AFF3: variants seen among roughly 807,000 people sequenced by gnomAD.
The protein encoded by AFF3 is AF4/FMR2 family member 3.
Under a neutral mutation model 129.7 loss-of-function variants are expected in AFF3, and 32 were observed. That is an observed-to-expected ratio of 0.25 (90% CI 0.19 to 0.33). The LOEUF (loss-of-function observed/expected upper bound fraction) is 0.33, where lower values mean the gene tolerates loss of function less well. AFF3 is among the 10% of genes least tolerant of loss of function. The pLI is 1.00. For synonymous variants in AFF3, 644 were observed against 635.4 expected (o/e 1.01, Z -0.20); for missense variants, 1,373 against 1,592.0 (o/e 0.86, Z 2.34).
intron 11 of AFF3, among the ~76,000 whole-genome samples, chr2:99,678,562 T>C (rs1674220243): frequency 6.6e-6 from 1 of 152,246 alleles, no homozygotes; most frequent in Admixed American, 6.5e-5. Flanking sequence ...TTTAGTCCTT[T>C]AAAGTCATTT....
At chr2:99,779,547 T>G (rs1684223532) in intron 8 of AFF3, among the ~76,000 whole-genome samples, 1 of 152,154 alleles carries the variant, frequency 6.6e-6, no homozygotes, top group Non-Finnish European at 1.5e-5. Flanking sequence ...TTTTGTGTAT[T>G]TAGAGGGTAC....
chr2:100,054,243 A>T (rs1484395870), intron 4 of AFF3, among the ~76,000 whole-genome samples: 1 of 152,184 alleles, frequency 6.6e-6, no homozygotes. Flanking sequence ...CATCCACAGG[A>T]TGAGGAAGTT....
Position 99,584,237 on chromosome 2 carries a change from G to C in AFF3, c.2592-1238C>G, listed in dbSNP as rs143962528. Among the ~76,000 whole-genome samples, 31 of 151,856 alleles carry C rather than the reference G, an allele frequency of 2.0e-4. No homozygotes were observed. In the East Asian group the frequency reaches 6.1e-3, roughly 30 times the overall value. ...AATCCCAGCACTTTGGGAGGCCAAG[G>C]TGGGCGTATCACTTGAGGTCGGGAG... On this transcript the variant is annotated intron_variant, in intron 16 of 24. Transcript: ENST00000672756.
intron 13 of AFF3, among the ~76,000 whole-genome samples, chr2:99,641,808 T>C (rs1163593067): frequency 1.3e-5 from 2 of 152,088 alleles, no homozygotes; most frequent in Non-Finnish European, 2.9e-5. Context: ...TGAAGTAAGG[T>C]ATGTGAGATG....
intron 11 of AFF3, among the ~76,000 whole-genome samples, chr2:99,709,801 C>G (rs532035029): frequency 6.5e-4 from 99 of 152,326 alleles, no homozygotes; most frequent in African/African-American, 2.2e-3. Flanking sequence ...TTTCTCATCC[C>G]TACCCCCAAA....
At chr2:99,921,892 T>C (rs1298718441) in intron 7 of AFF3, among the ~76,000 whole-genome samples, 2 of 152,120 alleles carry the variant, frequency 1.3e-5, no homozygotes, top group South Asian at 2.1e-4. Context: ...CTATAAAAGA[T>C]AGGCAAAAGA....
At chr2:99,624,855 CG>C in intron 13 of AFF3, among the ~76,000 whole-genome samples, 2 of 152,206 alleles carry the variant, frequency 1.3e-5, no homozygotes, top group South Asian at 2.1e-4. Flanking sequence ...CCTCCGGAGA[CG>C]AAGGCGGGAG....
chr2:100,068,047 G>C (rs11685397), intron 4 of AFF3, among the ~76,000 whole-genome samples: 19,490 of 152,228 alleles, frequency 0.13, 1,590 homozygotes, highest in South Asian at 0.2. Context: ...GAACTGTTCA[G>C]GAACAGTTTG....
chr2:100,087,967 A>G (rs531924514), intron 4 of AFF3, among the ~76,000 whole-genome samples: 120 of 151,228 alleles, frequency 7.9e-4, no homozygotes, highest in Admixed American at 3.7e-3. Context: ...CAAAAATCAC[A>G]CATCCTTTTG....
At chr2:100,027,915 T>C (rs1394626036) in intron 4 of AFF3, among the ~76,000 whole-genome samples, 1 of 152,218 alleles carries the variant, frequency 6.6e-6, no homozygotes, top group Non-Finnish European at 1.5e-5. Context: ...TAACTAATAG[T>C]ATCTCATTAC....
intron 2 of AFF3, among the ~76,000 whole-genome samples, chr2:100,128,547 T>C (rs978032769): frequency 2.6e-5 from 4 of 152,170 alleles, no homozygotes; most frequent in Non-Finnish European, 5.9e-5. Flanking sequence ...TTCAAACTCA[T>C]GCCACTGGAG....
intron 4 of AFF3, among the ~76,000 whole-genome samples, chr2:100,064,071 A>G (rs957023799): frequency 5.3e-5 from 8 of 151,364 alleles, no homozygotes; most frequent in African/African-American, 1.7e-4. Flanking sequence ...CCTGGGCAAC[A>G]AGAACAAAAC....
intron 10 of AFF3, among the ~76,000 whole-genome samples, chr2:99,741,353 G>T (rs1490446289): frequency 7.9e-5 from 12 of 152,148 alleles, no homozygotes; most frequent in South Asian, 2.1e-4. Flanking sequence ...CTTAAGCTGA[G>T]AGGCAACTTC....
chr2:99,923,793 A>G (rs1446861257), intron 7 of AFF3, among the ~76,000 whole-genome samples: 3 of 152,216 alleles, frequency 2.0e-5, no homozygotes, highest in Non-Finnish European at 4.4e-5. Flanking sequence ...GCCTACCGCA[A>G]TATGTGTGCT....
chr2:99,848,821 C>T (rs1000854139), intron 7 of AFF3, among the ~76,000 whole-genome samples: 9 of 152,062 alleles, frequency 5.9e-5, no homozygotes, highest in South Asian at 2.1e-4. Context: ...AACATAATCA[C>T]GCTAAGGAAT....
At chr2:99,938,300 A>T (rs1674710423) in intron 7 of AFF3, among the ~76,000 whole-genome samples, 1 of 152,222 alleles carries the variant, frequency 6.6e-6, no homozygotes, top group African/African-American at 2.4e-5. Flanking sequence ...TGGGCATGTT[A>T]TTTGACCCGT....
intron 7 of AFF3, among the ~76,000 whole-genome samples, chr2:99,907,174 G>T (rs530786834): frequency 6.6e-6 from 1 of 152,104 alleles, no homozygotes; most frequent in Admixed American, 6.6e-5. Flanking sequence ...TTATCCTAAC[G>T]GAGGTGGAAA....
At chr2:99,805,813 TACACACACAC>T (rs3072357) in intron 8 of AFF3, among the ~76,000 whole-genome samples, 7 of 142,944 alleles carry the variant, frequency 4.9e-5, no homozygotes, top group African/African-American at 7.7e-5. Flanking sequence ...GCAGGAGTCT[TACACACACAC>T]ACACACACAC....
At chr2:100,084,415 G>C (rs1237569249) in intron 4 of AFF3, among the ~76,000 whole-genome samples, 6 of 152,184 alleles carry the variant, frequency 3.9e-5, no homozygotes, top group Non-Finnish European at 2.9e-5. Flanking sequence ...CAGCTAGCTG[G>C]TGGCAGAGCA....
Sources: allele counts gnomAD v4.1 joint callset (sites outside exome capture counted in the v4.1 genomes callset), GRCh38; gene constraint gnomAD v4.1.1; transcripts MANE v1.5; gene names NCBI Gene and HGNC (gene_info 2026-07-23, HGNC 2026-07-21).